TNS3: variants seen among roughly 807,000 people sequenced by gnomAD.
TNS3 encodes the protein tensin 3.
TNS3 carries 45 observed loss-of-function variants against 140.9 expected under a neutral mutation model. The ratio of observed to expected loss-of-function variants is 0.32; its 90% CI spans 0.25 to 0.41. The LOEUF is 0.41. Ranked by LOEUF, TNS3 falls within the 10% of genes least tolerant of loss-of-function variation. TNS3 has a pLI of 1.00. For missense variants in TNS3, 1,716 were observed against 1,906.7 expected (o/e 0.90, Z 1.86); for synonymous variants, 815 against 788.4 (o/e 1.03, Z -0.56).
At chr7:47,532,729 G>A (rs1272602690) in intron 1 of TNS3, among the ~76,000 whole-genome samples, 1 of 152,078 alleles carries the variant, frequency 6.6e-6, no homozygotes, top group Non-Finnish European at 1.5e-5. Context: ...GGCCACAGAG[G>A]TTTCCAGCCA....
intron 28 of TNS3, 76 bp downstream of exon 28, chr7:47,283,621 C>T: frequency 7.4e-7 from 1 of 1,354,824 alleles, no homozygotes; most frequent in Non-Finnish European, 9.7e-7. Flanking sequence ...GATGACTACT[C>T]ACACTAGGGA....
At chr7:47,283,670 G>C in intron 28 of TNS3, 27 bp downstream of exon 28, 1 of 1,512,282 alleles carries the variant, frequency 6.6e-7, no homozygotes, top group Non-Finnish European at 8.9e-7. Context: ...CCTGCTGGAC[G>C]GCTCCTGCCT....
intron 3 of TNS3, among the ~76,000 whole-genome samples, chr7:47,504,985 A>G (rs1209145061): frequency 7.1e-6 from 1 of 140,448 alleles, no homozygotes; most frequent in Non-Finnish European, 1.6e-5. Context: ...ATACACTTTG[A>G]ACCAAAGAAT....
intron 4 of TNS3, among the ~76,000 whole-genome samples, chr7:47,449,757 C>G (rs1008609409): frequency 6.6e-6 from 1 of 152,188 alleles, no homozygotes; most frequent in Non-Finnish European, 1.5e-5. Context: ...AGGCGCCCGC[C>G]ACCACACCCG....
chr7:47,445,261 C>A (rs1795670976), intron 4 of TNS3, among the ~76,000 whole-genome samples: 1 of 152,196 alleles, frequency 6.6e-6, no homozygotes, highest in African/African-American at 2.4e-5. Flanking sequence ...ATGTGGTGCT[C>A]AGCAGCTTCC....
chr7:47,396,088 C>A (rs1271579302), intron 16 of TNS3, among the ~76,000 whole-genome samples: 1 of 152,208 alleles, frequency 6.6e-6, no homozygotes, highest in South Asian at 2.1e-4. Flanking sequence ...GTTTTAATTT[C>A]TTTCCCAAAG....
intron 20 of TNS3, among the ~76,000 whole-genome samples, chr7:47,327,587 TC>T (rs1378682597): frequency 6.6e-6 from 1 of 152,218 alleles, no homozygotes; most frequent in African/African-American, 2.4e-5. Context: ...GCAGTCCTGT[TC>T]CAGAAAAGCT....
At chr7:47,350,517 G>A (rs1040442276) in intron 17 of TNS3, among the ~76,000 whole-genome samples, 5 of 152,174 alleles carry the variant, frequency 3.3e-5, no homozygotes, top group African/African-American at 9.7e-5. Flanking sequence ...CCTTGGCTAC[G>A]GGGAAGGTCA....
At chr7:47,289,459 T>C (rs1254258179) in intron 27 of TNS3, among the ~76,000 whole-genome samples, 1 of 152,240 alleles carries the variant, frequency 6.6e-6, no homozygotes. Flanking sequence ...GTGTGTGGTT[T>C]GTTTACAACC....
intron 20 of TNS3, among the ~76,000 whole-genome samples, chr7:47,330,862 C>A (rs1788296567): frequency 6.6e-6 from 1 of 152,102 alleles, no homozygotes; most frequent in African/African-American, 2.4e-5. Flanking sequence ...TGGAATTCTC[C>A]CTTAACACCC....
chr7:47,376,831 T>C (rs975411308), intron 16 of TNS3, among the ~76,000 whole-genome samples: 1 of 151,976 alleles, frequency 6.6e-6, no homozygotes, highest in African/African-American at 2.4e-5. Context: ...CTAAAATTAT[T>C]CATTATCAGG....
At chr7:47,516,350 A>G (rs1798778208) in intron 2 of TNS3, among the ~76,000 whole-genome samples, 1 of 152,120 alleles carries the variant, frequency 6.6e-6, no homozygotes, top group Admixed American at 6.5e-5. Context: ...GCTCCCATCT[A>G]CACTTGCAGT....
chr7:47,553,219 CGCAAGTTAT>C (rs1800108182), intron 1 of TNS3, among the ~76,000 whole-genome samples: 1 of 152,140 alleles, frequency 6.6e-6, no homozygotes, highest in Non-Finnish European at 1.5e-5. Flanking sequence ...TAGAAGCTGC[CGCAAGTTAT>C]TCAGAAGATC....
At chr7:47,515,507 T>C (rs1798751697) in intron 2 of TNS3, among the ~76,000 whole-genome samples, 1 of 152,004 alleles carries the variant, frequency 6.6e-6, no homozygotes, top group African/African-American at 2.4e-5. Context: ...ATCACCATCA[T>C]CATGTCAACA....
chr7:47,537,264 T>C (rs1236640417), intron 1 of TNS3, among the ~76,000 whole-genome samples: 1 of 152,016 alleles, frequency 6.6e-6, no homozygotes, highest in Non-Finnish European at 1.5e-5. Context: ...GGGCTCTCCG[T>C]GGCCGCCGGC....
chr7:47,505,637 C>T (rs151166437), intron 3 of TNS3, among the ~76,000 whole-genome samples: 203 of 152,226 alleles, frequency 1.3e-3, no homozygotes, highest in African/African-American at 4.9e-3. Context: ...TGCACGTGCT[C>T]GGCATTCTCC....
intron 1 of TNS3, among the ~76,000 whole-genome samples, 175 bp downstream of exon 1, chr7:47,581,876 G>A (rs929835999): frequency 6.7e-6 from 1 of 148,896 alleles, no homozygotes; most frequent in Non-Finnish European, 1.5e-5. Context: ...CCCGTACCCC[G>A]CGCTCCCCGA....
At chr7:47,435,503 G>C (rs1268102550) in intron 7 of TNS3, 99 bp from the exon 8 acceptor site, 4 of 1,553,144 alleles carry the variant, frequency 2.6e-6, no homozygotes, top group Non-Finnish European at 2.6e-6. Flanking sequence ...TTTCATTTGG[G>C]AGTAAAGAAC....
intron 16 of TNS3, among the ~76,000 whole-genome samples, chr7:47,391,095 G>A (rs1462368645): frequency 1.3e-5 from 2 of 152,160 alleles, no homozygotes; most frequent in African/African-American, 2.4e-5. Context: ...CCAGCCAGGC[G>A]GAACACACTT....
Sources: gnomAD v4.1 joint callset for allele counts (sites outside exome capture counted in the v4.1 genomes callset) on GRCh38, gnomAD v4.1.1 for gene constraint, MANE v1.5 for transcripts, NCBI Gene and HGNC (gene_info 2026-07-23, HGNC 2026-07-21) for gene names.